The following GREM2 variants were observed in gnomAD, a reference collection of about 807,000 sequenced individuals.
GREM2 encodes gremlin-2.
In GREM2, 11 loss-of-function variants were observed where a neutral mutation model predicts 14.2. That is an observed-to-expected ratio of 0.78 (90% confidence interval 0.49 to 1.28). The LOEUF (loss-of-function observed/expected upper bound fraction) is 1.28, where lower values mean the gene tolerates loss of function less well. Ranked by LOEUF, GREM2 falls within the 50% of genes most tolerant of loss-of-function variation. GREM2 has a pLI of 0.00. For missense variants in GREM2, 210 were observed against 218.5 expected (o/e 0.96, Z 0.24); for synonymous variants, 98 against 97.6 (o/e 1.00, Z -0.02).
At chr1:240,523,667 T>C (rs1011885188) in intron 1 of GREM2, among the ~76,000 whole-genome samples, 1 of 152,050 alleles carries the variant, frequency 6.6e-6, no homozygotes. Flanking sequence ...TTTTGTTTTG[T>C]TTTTTCATGT....
intron 1 of GREM2, among the ~76,000 whole-genome samples, chr1:240,511,612 G>C (rs1046039871): frequency 1.3e-5 from 2 of 152,194 alleles, no homozygotes; most frequent in Non-Finnish European, 2.9e-5. Flanking sequence ...AATTAGCCGG[G>C]TGTGGTGGTG....
chr1:240,539,826 C>T (rs1012039877), intron 1 of GREM2, among the ~76,000 whole-genome samples: 3 of 152,180 alleles, frequency 2.0e-5, no homozygotes, highest in Non-Finnish European at 4.4e-5. Context: ...CCAATTCTGC[C>T]TTCCTGCTTC....
At chr1:240,570,190 G>A (rs1349597232) in intron 1 of GREM2, among the ~76,000 whole-genome samples, 2 of 152,164 alleles carry the variant, frequency 1.3e-5, no homozygotes, top group Non-Finnish European at 2.9e-5. Context: ...ACAGATGGGT[G>A]CAGTGGCTCA....
At chr1:240,544,234 G>A (rs978279172) in intron 1 of GREM2, among the ~76,000 whole-genome samples, 45 of 148,994 alleles carry the variant, frequency 3.0e-4, no homozygotes, top group South Asian at 6.3e-4. Flanking sequence ...TGTAAGTTCC[G>A]CCTCCTGGGT....
At chr1:240,572,580 T>C (rs1679281069) in intron 1 of GREM2, among the ~76,000 whole-genome samples, 1 of 152,216 alleles carries the variant, frequency 6.6e-6, no homozygotes, top group South Asian at 2.1e-4. Flanking sequence ...CCTGCTGGAC[T>C]TGAAGCTAAT....
intron 1 of GREM2, among the ~76,000 whole-genome samples, chr1:240,502,798 T>C (rs1677598882): frequency 6.6e-6 from 1 of 152,206 alleles, no homozygotes; most frequent in African/African-American, 2.4e-5. Context: ...CCATAATTTG[T>C]TCAGGTATTG....
At chr1:240,507,665 C>T (rs901001149) in intron 1 of GREM2, among the ~76,000 whole-genome samples, 3 of 151,758 alleles carry the variant, frequency 2.0e-5, no homozygotes, top group Non-Finnish European at 4.4e-5. Context: ...GTAAGGAAAT[C>T]TACAAAGGAA....
rs913063656 is a variant in GREM2, at chr1:240,547,733, T to A, written c.-1-54257A>T. 9.2e-5 allele frequency among the ~76,000 whole-genome samples: 14 copies of A among 151,974 alleles called. No homozygotes were observed. In the South Asian group the frequency reaches 1.7e-3, roughly 18 times the overall value. On this transcript the variant is annotated intron_variant, in intron 1 of 1. Coordinates refer to ENST00000318160, the MANE Select transcript of GREM2 (RefSeq NM_022469.4). Reference sequence around the variant, plus strand: ...TGTGCATGAAGAGGTGTCTTAAGAATATTAATATGGTAGTTTAGGGGGAAA... The same window carrying A: ...TGTGCATGAAGAGGTGTCTTAAGAAAATTAATATGGTAGTTTAGGGGGAAA...
At chr1:240,553,795 T>G (rs1678901666) in intron 1 of GREM2, among the ~76,000 whole-genome samples, 1 of 152,238 alleles carries the variant, frequency 6.6e-6, no homozygotes, top group Non-Finnish European at 1.5e-5. Context: ...TTATCTTAAT[T>G]CTCCTCATAA....
intron 1 of GREM2, among the ~76,000 whole-genome samples, chr1:240,521,326 TA>T (rs1382425201): frequency 1.3e-5 from 2 of 152,142 alleles, no homozygotes; most frequent in African/African-American, 2.4e-5. Context: ...CCCAGCACTT[TA>T]GCAGGCCGAA....
At chr1:240,496,462 C>G (rs1020414488) in intron 1 of GREM2, among the ~76,000 whole-genome samples, 1 of 152,206 alleles carries the variant, frequency 6.6e-6, no homozygotes, top group African/African-American at 2.4e-5. Context: ...ACTCTTTGCT[C>G]GGTTACCACC....
At chr1:240,577,627 C>T (rs75199565) in intron 1 of GREM2, among the ~76,000 whole-genome samples, 9,498 of 152,220 alleles carry the variant, frequency 0.062, 467 homozygotes, top group African/African-American at 0.14. Flanking sequence ...TATCATGAAA[C>T]GTATTTCTTT....
Position 240,499,926 on chromosome 1 carries a change from C to T in GREM2, c.-1-6450G>A, listed in dbSNP as rs147024466. On this transcript the variant is annotated intron_variant, in intron 1 of 1. Transcript: ENST00000318160. ...TTTACTTTCTGGGCTTTTACAGAAA[C>T]ACTTTGCTAAGTCCTGCTCCAAACA... Among the ~76,000 whole-genome samples the T allele has an allele frequency of 4.3e-4, 65 of 152,308 alleles. No homozygotes were observed. In the Middle Eastern group the frequency reaches 0.017, roughly 40 times the overall value.
intron 1 of GREM2, among the ~76,000 whole-genome samples, chr1:240,510,241 G>T (rs193267802): frequency 3.4e-4 from 52 of 151,818 alleles, no homozygotes; most frequent in Non-Finnish European, 1.8e-4. Context: ...GTGGTGGCGG[G>T]CGCCTGTAGT....
At chr1:240,611,791 C>G (rs993525665) in intron 1 of GREM2, 93 bp downstream of exon 1, 11 of 152,594 alleles carry the variant, frequency 7.2e-5, no homozygotes, top group African/African-American at 2.2e-4. Flanking sequence ...TGACCAGCCA[C>G]GGAACAAACA....
chr1:240,494,693 A>C (rs1300038455), intron 1 of GREM2, among the ~76,000 whole-genome samples: 1 of 152,108 alleles, frequency 6.6e-6, no homozygotes, highest in Non-Finnish European at 1.5e-5. Context: ...CGAGGTCAGG[A>C]GATCGAGACC....
At chr1:240,600,887 C>A (rs929649872) in intron 1 of GREM2, among the ~76,000 whole-genome samples, 5 of 152,162 alleles carry the variant, frequency 3.3e-5, no homozygotes, top group Admixed American at 2.6e-4. Context: ...GCTCTGGTTC[C>A]ATAAATAATT....
chr1:240,572,807 T>C (rs1358169566), intron 1 of GREM2, among the ~76,000 whole-genome samples: 4 of 152,166 alleles, frequency 2.6e-5, no homozygotes, highest in Non-Finnish European at 5.9e-5. Context: ...TAAGCACTTG[T>C]TTTAACTACT....
rs534615255 is a variant in GREM2, at chr1:240,502,645, C to T, written c.-1-9169G>A. On this transcript the variant is annotated intron_variant, in intron 1 of 1. Coordinates refer to ENST00000318160, the MANE Select transcript of GREM2 (RefSeq NM_022469.4). ...TGTTCCAAATCTTTTCATATCTTCC[C>T]ACTCATCATTCCTCTGATAGATGCT... Among the ~76,000 whole-genome samples the T allele has an allele frequency of 1.8e-4, 27 of 152,294 alleles. No individual in the cohort carries two copies. In the South Asian group the frequency reaches 5.4e-3, roughly 30 times the overall value.
Sources: gnomAD v4.1 joint callset for allele counts (sites outside exome capture counted in the v4.1 genomes callset) on GRCh38, gnomAD v4.1.1 for gene constraint, MANE v1.5 for transcripts, NCBI Gene and HGNC (gene_info 2026-07-23, HGNC 2026-07-21) for gene names.